Variants in PLD5 observed in about 807,000 individuals in gnomAD.
The protein encoded by PLD5 is inactive phospholipase D5.
Under a neutral mutation model 61.1 loss-of-function variants are expected in PLD5, and 36 were observed. The observed-to-expected ratio is 0.59, with a 90% CI of 0.45 to 0.78. The LOEUF (loss-of-function observed/expected upper bound fraction) is 0.78. Among genes scored for constraint, PLD5 ranks in the 30% least tolerant of loss-of-function variants. The probability of loss-of-function intolerance (pLI) is 0.00; values close to 1 mark genes in which losing one functional copy is unlikely to be tolerated. For synonymous variants in PLD5, 243 were observed against 242.8 expected (o/e 1.00, Z -0.01); for missense variants, 515 against 644.4 (o/e 0.80, Z 2.17).
rs1429435478 is a variant in PLD5, at chr1:242,394,392, GTATATATGTGTGTATATATGAGTA to G, written c.190-46174_190-46151del. On this transcript the variant is annotated intron_variant, in intron 1 of 9. Transcript: ENST00000536534. ...TGAGTATATATGTGTGTATATATGA[GTATATATGTGTGTATATATGAGTA>G]TATATGTGTGTATATGAGTATATAT... is the stretch of plus-strand genomic sequence containing the variant. Among the ~76,000 whole-genome samples the G allele has an allele frequency of 1.7e-4, 17 of 98,918 alleles. 4 individuals are homozygous for G. Among genetic ancestry groups the G allele is most frequent in the Non-Finnish European group, 2.6e-4 (13 of 50,570 alleles). The allele number at this position is 98,918 out of a possible 152,430, so 64.9% of individuals were successfully genotyped here. A position where few individuals can be genotyped will look rare whatever the true frequency, so the allele number is the denominator to read the frequency against.
intron 4 of PLD5, among the ~76,000 whole-genome samples, chr1:242,242,530 G>C (rs1230408924): frequency 2.0e-5 from 3 of 152,120 alleles, no homozygotes; most frequent in Non-Finnish European, 4.4e-5. Context: ...CAATAACATT[G>C]GCTAAAATCA....
At chr1:242,297,185 A>C (rs999276076) in intron 2 of PLD5, among the ~76,000 whole-genome samples, 1 of 152,064 alleles carries the variant, frequency 6.6e-6, no homozygotes, top group Non-Finnish European at 1.5e-5. Flanking sequence ...CTCTACTAAA[A>C]ATACAAAAAT....
chr1:242,111,868 T>C (rs1661532450), intron 7 of PLD5, among the ~76,000 whole-genome samples: 1 of 152,200 alleles, frequency 6.6e-6, no homozygotes, highest in Non-Finnish European at 1.5e-5. Context: ...TGGTAGATTA[T>C]AACCAAAATG....
At chr1:242,339,656 C>G (rs1659723514) in intron 2 of PLD5, among the ~76,000 whole-genome samples, 1 of 152,154 alleles carries the variant, frequency 6.6e-6, no homozygotes, top group African/African-American at 2.4e-5. Context: ...GGTTGGCCTT[C>G]ATTTATTTCC....
At chr1:242,193,268 C>G (rs74604449) in intron 5 of PLD5, among the ~76,000 whole-genome samples, 1 of 151,918 alleles carries the variant, frequency 6.6e-6, no homozygotes, top group African/African-American at 2.4e-5. Flanking sequence ...CTGAAGATAA[C>G]GTAGAGAAAA....
intron 1 of PLD5, among the ~76,000 whole-genome samples, chr1:242,512,415 C>CAA (rs33990244): frequency 0.22 from 26,179 of 119,892 alleles, 2,890 homozygotes; most frequent in African/African-American, 0.26. Flanking sequence ...GACTCCATCT[C>CAA]AAAAAAAAAA....
At chr1:242,383,840 A>AT (rs1378999983) in intron 1 of PLD5, among the ~76,000 whole-genome samples, 1 of 152,138 alleles carries the variant, frequency 6.6e-6, no homozygotes, top group Non-Finnish European at 1.5e-5. Context: ...GACCCACTGC[A>AT]TTTTCCTGAG....
At chr1:242,145,829 C>T (rs1330989556) in intron 5 of PLD5, among the ~76,000 whole-genome samples, 1 of 152,154 alleles carries the variant, frequency 6.6e-6, no homozygotes, top group Non-Finnish European at 1.5e-5. Flanking sequence ...CACACCAGCA[C>T]CACACCCAGC....
At chr1:242,411,876 C>G (rs1384095869) in intron 1 of PLD5, among the ~76,000 whole-genome samples, 3 of 151,760 alleles carry the variant, frequency 2.0e-5, no homozygotes, top group African/African-American at 4.8e-5. Flanking sequence ...GTCACAGATG[C>G]ACCTGTGGGT....
chr1:242,426,323 A>G (rs1327427804), intron 1 of PLD5, among the ~76,000 whole-genome samples: 1 of 151,920 alleles, frequency 6.6e-6, no homozygotes. Flanking sequence ...AAAAAAAAAA[A>G]AAAAAAAAGT....
chr1:242,161,158 A>AGGTAATTTATAAAGAAAAAGGCATTT (rs1409032223), intron 5 of PLD5, among the ~76,000 whole-genome samples: 1 of 152,126 alleles, frequency 6.6e-6, no homozygotes, highest in Non-Finnish European at 1.5e-5. Context: ...ACCTGAGACT[A>AGGTAATTTATAAAGAAAAAGGCATTT]GGTAATTTAT....
At chr1:242,239,180 C>G (rs1308247162) in intron 4 of PLD5, among the ~76,000 whole-genome samples, 1 of 152,090 alleles carries the variant, frequency 6.6e-6, no homozygotes, top group Non-Finnish European at 1.5e-5. Flanking sequence ...CATTTGAAAT[C>G]CCCCATTGTC....
chr1:242,434,157 A>C (rs1386475422), intron 1 of PLD5, among the ~76,000 whole-genome samples: 1 of 152,238 alleles, frequency 6.6e-6, no homozygotes, highest in Non-Finnish European at 1.5e-5. Flanking sequence ...ATCAGGACAC[A>C]GTTACCATAG....
At chr1:242,272,495 A>G (rs573455310) in intron 3 of PLD5, among the ~76,000 whole-genome samples, 9 of 152,236 alleles carry the variant, frequency 5.9e-5, no homozygotes, top group South Asian at 2.1e-4. Flanking sequence ...TGTAACTGCC[A>G]TTAAGAAGCC....
At chr1:242,376,954 T>G in intron 1 of PLD5, 1 of 1,609,972 alleles carries the variant, frequency 6.2e-7, no homozygotes, top group Non-Finnish European at 8.5e-7. Context: ...CTTTTGGATT[T>G]GATGAAGGCC....
At chr1:242,387,892 T>C (rs532324145) in intron 1 of PLD5, among the ~76,000 whole-genome samples, 2 of 152,052 alleles carry the variant, frequency 1.3e-5, no homozygotes, top group African/African-American at 2.4e-5. Context: ...TGACAGAGAC[T>C]GAAAAGGTAA....
At chr1:242,141,840 T>C (rs910928694) in intron 5 of PLD5, among the ~76,000 whole-genome samples, 3 of 152,246 alleles carry the variant, frequency 2.0e-5, no homozygotes, top group East Asian at 3.8e-4. Context: ...GAGGACTAGA[T>C]ATGTAGTTTA....
intron 5 of PLD5, among the ~76,000 whole-genome samples, chr1:242,171,638 A>C (rs1666754123): frequency 6.6e-6 from 1 of 152,140 alleles, no homozygotes; most frequent in Non-Finnish European, 1.5e-5. Context: ...TGCTGTATTC[A>C]GGAGACCCAT....
intron 5 of PLD5, among the ~76,000 whole-genome samples, chr1:242,152,874 T>C (rs1233997027): frequency 6.6e-6 from 1 of 152,202 alleles, no homozygotes; most frequent in South Asian, 2.1e-4. Flanking sequence ...ATATATCCAG[T>C]AATGGGATTG....
Sources: allele counts gnomAD v4.1 joint callset (sites outside exome capture counted in the v4.1 genomes callset), GRCh38; gene constraint gnomAD v4.1.1; transcripts MANE v1.5; gene names NCBI Gene and HGNC (gene_info 2026-07-23, HGNC 2026-07-21).